Variants in NCR1 observed in about 807,000 individuals in gnomAD.
NCR1 encodes NK cell-activating receptor.
Under a neutral mutation model 32.5 loss-of-function variants are expected in NCR1, and 30 were observed. The ratio of observed to expected loss-of-function variants is 0.92; its 90% CI spans 0.69 to 1.25. The LOEUF (loss-of-function observed/expected upper bound fraction) is 1.25, where lower values mean the gene tolerates loss of function less well. NCR1 is among the 50% of genes most tolerant of loss of function. The pLI, the probability that NCR1 is intolerant of heterozygous loss-of-function variation, is 0.00. For synonymous variants in NCR1, 169 were observed against 143.4 expected (o/e 1.18, Z -1.28); for missense variants, 369 against 380.7 (o/e 0.97, Z 0.26).
intron 3 of NCR1, among the ~76,000 whole-genome samples, chr19:54,908,870 C>T (rs2067787425): frequency 6.6e-6 from 1 of 151,714 alleles, no homozygotes; most frequent in Non-Finnish European, 1.5e-5. Context: ...CCCAGGAGGT[C>T]GAGGCTTCAG....
At chr19:54,913,936 C>A (rs569405860), downstream of NCR1, among the ~76,000 whole-genome samples, 1 of 152,010 alleles carries the variant, frequency 6.6e-6, no homozygotes, top group East Asian at 1.9e-4. Context: ...GGTATGGTGG[C>A]GTGTGCTTGT....
chr19:54,916,317 C>CTTTT (rs71181711), downstream of NCR1, among the ~76,000 whole-genome samples: 1,018 of 87,050 alleles, frequency 0.012, 96 homozygotes, highest in African/African-American at 0.043. Context: ...GAATATTGTG[C>CTTTT]TTTTTTTTTT....
chr19:54,906,792 G>C lies in NCR1; in HGVS notation c.340G>C (p.Asp114His). The C allele has an allele frequency of 6.2e-7, 1 of 1,614,134 alleles. No homozygotes were observed. The highest frequency in any genetic ancestry group is 8.5e-7 in the Non-Finnish European group (1 of 1,180,024). Residue 114 changes from aspartate (D) to histidine (H), a missense_variant, in exon 3 of 7, where the codon GAT becomes CAT. Asp to His is a moderately conservative substitution (Grantham distance 81, BLOSUM62 -1). Coordinates refer to ENST00000291890, the MANE Select transcript of NCR1 (RefSeq NM_004829.7). ...ELWSEPSNLL[D>H]LVVTEMYDTP... Reference sequence around the variant, plus strand: ...CTGGTCAGAGCCCAGCAACTTGCTGGATCTGGTGGTAACAGGTAACTGTCC... The same window carrying C: ...CTGGTCAGAGCCCAGCAACTTGCTGCATCTGGTGGTAACAGGTAACTGTCC...
chr19:54,936,318 A>G, the NCR1 span: 4 of 1,613,940 alleles, frequency 2.5e-6, no homozygotes, highest in Non-Finnish European at 3.4e-6. Flanking sequence ...CATCAGCATC[A>G]TCGTGCGTTC....
At chr19:54,905,368 T>C (rs757323030), upstream of NCR1, among the ~76,000 whole-genome samples, 34 of 151,286 alleles carry the variant, frequency 2.2e-4, no homozygotes, top group Non-Finnish European at 4.3e-4. Context: ...ATTATTATTA[T>C]TTAGGTGCAC....
At chr19:54,898,925 G>T in the NCR1 span, among the ~76,000 whole-genome samples, 1 of 152,106 alleles carries the variant, frequency 6.6e-6, no homozygotes, top group African/African-American at 2.4e-5. Context: ...GGATTATAGG[G>T]TGGAGGAGCG....
upstream of NCR1, among the ~76,000 whole-genome samples, chr19:54,902,254 A>C (rs1031894889): frequency 6.6e-6 from 1 of 152,118 alleles, no homozygotes; most frequent in Non-Finnish European, 1.5e-5. Context: ...GATGAAGCAA[A>C]TGTGGTAAAA....
the NCR1 span, chr19:54,936,175 G>C: frequency 8.3e-7 from 1 of 1,198,864 alleles, no homozygotes; most frequent in Non-Finnish European, 1.2e-6. Flanking sequence ...ACGGCATCTG[G>C]AGTGGTTACC....
chr19:54,906,660 G>GCC lies in NCR1; in HGVS notation c.208_209insCC (p.Asp70AlafsTer20). The GCC allele has an allele frequency of 6.2e-7, 1 of 1,614,040 alleles. No individual in the cohort carries two copies. The highest frequency in any genetic ancestry group is 1.1e-5 in the South Asian group (1 of 91,090). On this transcript the variant is annotated frameshift_variant, in exon 3 of 7. Transcript: ENST00000291890. LOFTEE classifies it high-confidence loss of function. ...CTTTGAAGGAAGCCTTTTTGCCGTG[G>GCC]ACAGACCAAAACCCCCTGAGCGGAT...
the NCR1 span, among the ~76,000 whole-genome samples, chr19:54,932,814 C>G: frequency 6.6e-6 from 1 of 152,020 alleles, no homozygotes; most frequent in Non-Finnish European, 1.5e-5. Flanking sequence ...CACCACCAAG[C>G]CTGGTTAATT....
chr19:54,913,183 CCTGAGTAG>C, downstream of NCR1: 1 of 198,290 alleles, frequency 5.0e-6, no homozygotes, highest in South Asian at 1.4e-4. Context: ...GCCTCAGCCT[CCTGAGTAG>C]CTGGGATTAC....
chr19:54,909,214 T>C (rs1417318544), intron 3 of NCR1, 31 bp from the exon 4 acceptor site: 10 of 1,589,396 alleles, frequency 6.3e-6, no homozygotes, highest in Non-Finnish European at 8.6e-6. Context: ...TCACTGAGTT[T>C]CTGGTGTGGT....
At chr19:54,933,669 G>T in the NCR1 span, 1 of 1,614,158 alleles carries the variant, frequency 6.2e-7, no homozygotes, top group Non-Finnish European at 8.5e-7. Context: ...AGGTGTGTCA[G>T]CTTCTTGCTG....
chr19:54,937,955 A>T, the NCR1 span: 15 of 983,626 alleles, frequency 1.5e-5, no homozygotes, highest in Admixed American at 2.4e-4. Flanking sequence ...CATGGAGATG[A>T]AACAGCACAT....
At chr19:54,899,220 C>T in the NCR1 span, among the ~76,000 whole-genome samples, 9 of 152,128 alleles carry the variant, frequency 5.9e-5, no homozygotes, top group South Asian at 4.1e-4. Flanking sequence ...TTGAAAGTGC[C>T]GTTTTCTGGC....
chr19:54,909,954 A>AG, intron 4 of NCR1, 64 bp from the exon 5 acceptor site: 6 of 1,397,030 alleles, frequency 4.3e-6, no homozygotes, highest in Non-Finnish European at 5.9e-6. Context: ...AAAAAAAAAA[A>AG]AAGAATGGCA....
chr19:54,917,174 G>T (rs1018807521), downstream of NCR1, among the ~76,000 whole-genome samples: 2 of 151,452 alleles, frequency 1.3e-5, no homozygotes, highest in African/African-American at 2.4e-5. Flanking sequence ...AGGTTTGCAG[G>T]CACCTCCACC....
At chr19:54,916,749 G>C (rs559999493), downstream of NCR1, among the ~76,000 whole-genome samples, 51 of 116,798 alleles carry the variant, frequency 4.4e-4, no homozygotes, top group Middle Eastern at 0.024. Flanking sequence ...TGCACACCCA[G>C]GCTGGAGTGC....
intron 3 of NCR1, among the ~76,000 whole-genome samples, chr19:54,907,860 T>C (rs2067713185): frequency 6.6e-6 from 1 of 152,230 alleles, no homozygotes. Context: ...GTTATTTCTA[T>C]ATTCTGTGTC....
Sources: allele counts gnomAD v4.1 joint callset (sites outside exome capture counted in the v4.1 genomes callset), GRCh38; gene constraint gnomAD v4.1.1; transcripts MANE v1.5; gene names NCBI Gene and HGNC (gene_info 2026-07-23, HGNC 2026-07-21).